PPP1R2: variants seen among roughly 807,000 people sequenced by gnomAD.
PPP1R2 encodes the protein protein phosphatase 1 regulatory inhibitor subunit 2, also known as protein phosphatase inhibitor 2.
Under a neutral mutation model 29.9 loss-of-function variants are expected in PPP1R2, and 16 were observed. That is an observed-to-expected ratio of 0.53 (90% CI 0.36 to 0.81). The LOEUF is 0.81. Among genes scored for constraint, PPP1R2 ranks in the 30% least tolerant of loss-of-function variants. The pLI, the probability that PPP1R2 is intolerant of heterozygous loss-of-function variation, is 0.00. For missense variants in PPP1R2, 197 were observed against 252.7 expected (o/e 0.78, Z 1.49); for synonymous variants, 76 against 91.5 (o/e 0.83, Z 0.96).
intron 2 of PPP1R2, among the ~76,000 whole-genome samples, chr3:195,526,938 C>T (rs960739363): frequency 2.0e-5 from 3 of 152,078 alleles, no homozygotes; most frequent in African/African-American, 7.2e-5. Flanking sequence ...CCCACCACCA[C>T]ATCTGGGAAT....
chr3:195,518,053 C>T (rs1027954742), intron 5 of PPP1R2, among the ~76,000 whole-genome samples: 1 of 152,098 alleles, frequency 6.6e-6, no homozygotes, highest in African/African-American at 2.4e-5. Context: ...TACGCCTCCA[C>T]TGAAAAGTAT....
At chr3:195,534,598 G>C (rs1719303467) in intron 1 of PPP1R2, among the ~76,000 whole-genome samples, 1 of 152,132 alleles carries the variant, frequency 6.6e-6, no homozygotes. Context: ...CCAGCTGCCA[G>C]TCTTGTGGTT....
At position 195,542,984 on chromosome 3, in the gene PPP1R2, G is replaced by A. The variant is rs1298640921; in HGVS notation, c.42C>T (p.Ile14=). The A allele has an allele frequency of 3.7e-6, 6 of 1,602,040 alleles. No homozygotes were observed. Among genetic ancestry groups the A allele is most frequent in the Non-Finnish European group, 4.3e-6 (5 of 1,174,492 alleles). Residue 14 remains isoleucine, a synonymous_variant, in exon 1 of 6, where the codon ATC becomes ATT. Transcript: ENST00000618156. ...STASHRPIKG[I]LKNKTSTTSS... ...AAGTCGTAGAGGTCTTGTTCTTCAA[G>A]ATCCCCTTGATGGGCCGGTGCGAGG... is the stretch of plus-strand genomic sequence containing the variant.
intron 5 of PPP1R2, 94 bp from the exon 6 acceptor site, chr3:195,517,036 T>C: frequency 2.1e-6 from 2 of 954,526 alleles, no homozygotes; most frequent in African/African-American, 1.6e-5. Flanking sequence ...CAAGCAAATA[T>C]AAAAATTTTA....
chr3:195,537,481 T>TTTTGTGTGTGTG (rs150119072), intron 1 of PPP1R2, among the ~76,000 whole-genome samples: 3,281 of 128,548 alleles, frequency 0.026, 93 homozygotes, highest in African/African-American at 0.04. Context: ...GGATTAGCTA[T>TTTTGTGTGTGTG]TGTGTGTGTG....
intron 1 of PPP1R2, among the ~76,000 whole-genome samples, chr3:195,540,975 T>C (rs898748621): frequency 2.0e-5 from 3 of 152,196 alleles, no homozygotes; most frequent in African/African-American, 4.8e-5. Flanking sequence ...AAAAAACCCA[T>C]CCTTTTTACC....
chr3:195,541,739 T>G (rs1228221713), intron 1 of PPP1R2, among the ~76,000 whole-genome samples: 1 of 152,132 alleles, frequency 6.6e-6, no homozygotes, highest in Non-Finnish European at 1.5e-5. Flanking sequence ...TGGAAAATTG[T>G]GTGTGAGAGA....
chr3:195,535,921 G>A (rs1248049579), intron 1 of PPP1R2, among the ~76,000 whole-genome samples: 2 of 151,940 alleles, frequency 1.3e-5, no homozygotes, highest in East Asian at 1.9e-4. Context: ...TCCTTCTATC[G>A]CCTTTATCAC....
chr3:195,531,556 C>T (rs1368510814), intron 1 of PPP1R2, among the ~76,000 whole-genome samples: 5 of 152,314 alleles, frequency 3.3e-5, no homozygotes, highest in East Asian at 1.9e-4. Flanking sequence ...TATTCTTTTG[C>T]TTTCTACCCT....
chr3:195,528,731 T>TTTTTTTTTTTTTA, intron 2 of PPP1R2: 1 of 143,208 alleles, frequency 7.0e-6, no homozygotes, highest in Non-Finnish European at 1.5e-5. Flanking sequence ...TTTTTTTTTT[T>TTTTTTTTTTTTTA]TGTAGAAAGA....
intron 1 of PPP1R2, among the ~76,000 whole-genome samples, chr3:195,535,807 T>C (rs544863707): frequency 6.6e-6 from 1 of 152,294 alleles, no homozygotes; most frequent in South Asian, 2.1e-4. Flanking sequence ...AGAAGGAAGA[T>C]TATTAGTACC....
chr3:195,534,254 G>T (rs1719291183), intron 1 of PPP1R2, among the ~76,000 whole-genome samples: 1 of 152,122 alleles, frequency 6.6e-6, no homozygotes, highest in Non-Finnish European at 1.5e-5. Context: ...AGCCCAGGAG[G>T]TCAAGGCTGC....
chr3:195,542,745 C>T (rs1293789013), intron 1 of PPP1R2, among the ~76,000 whole-genome samples, 159 bp downstream of exon 1: 1 of 152,126 alleles, frequency 6.6e-6, no homozygotes, highest in Non-Finnish European at 1.5e-5. Context: ...ATCGCCCAGC[C>T]TTCTTAAAGA....
Position 195,539,855 on chromosome 3 carries a change from T to G in PPP1R2, c.122+3049A>C, listed in dbSNP as rs183450043. Among the ~76,000 whole-genome samples, 428 of 152,328 alleles carry G rather than the reference T, an allele frequency of 2.8e-3. 3 individuals are homozygous for G. The highest frequency in any genetic ancestry group is 4.6e-3 in the Non-Finnish European group (314 of 68,032). On this transcript the variant is annotated intron_variant, in intron 1 of 5. Transcript: ENST00000618156. ...ATCTGAATATGGCTTTATATAAACC[T>G]CACTTTAAGTGGACATTGAGTTTTG...
At chr3:195,528,448 T>C (rs1433696873) in intron 2 of PPP1R2, among the ~76,000 whole-genome samples, 1 of 152,194 alleles carries the variant, frequency 6.6e-6, no homozygotes, top group African/African-American at 2.4e-5. Context: ...CATCAGTCTT[T>C]AATATCTTCA....
At chr3:195,520,082 T>G (rs1718696667) in intron 4 of PPP1R2, among the ~76,000 whole-genome samples, 2 of 152,150 alleles carry the variant, frequency 1.3e-5, no homozygotes, top group African/African-American at 4.8e-5. Context: ...CAATCTTGGC[T>G]CACGGCAACC....
chr3:195,523,266 T>A (rs1365855733), intron 4 of PPP1R2: 3 of 193,670 alleles, frequency 1.5e-5, no homozygotes, highest in African/African-American at 7.1e-5. Flanking sequence ...ACCTTCACTC[T>A]GCATCTGATC....
At chr3:195,522,419 T>C (rs1255987869) in intron 4 of PPP1R2, among the ~76,000 whole-genome samples, 1 of 152,178 alleles carries the variant, frequency 6.6e-6, no homozygotes, top group Non-Finnish European at 1.5e-5. Context: ...TTAATGAAAT[T>C]ATAATTAGTC....
chr3:195,522,755 G>C (rs1718809591), intron 4 of PPP1R2, among the ~76,000 whole-genome samples: 1 of 152,112 alleles, frequency 6.6e-6, no homozygotes, highest in African/African-American at 2.4e-5. Context: ...GAAGATGATA[G>C]GAAAGACTAG....
Sources: gnomAD v4.1 joint callset for allele counts (sites outside exome capture counted in the v4.1 genomes callset) on GRCh38, gnomAD v4.1.1 for gene constraint, MANE v1.5 for transcripts, NCBI Gene and HGNC (gene_info 2026-07-23, HGNC 2026-07-21) for gene names.